Variants in NBEA observed in about 807,000 individuals in gnomAD.
The protein encoded by NBEA is lysosomal-trafficking regulator 2.
In NBEA, 44 loss-of-function variants were observed where a neutral mutation model predicts 343.4. The observed-to-expected ratio is 0.13, with a 90% CI of 0.10 to 0.16. The LOEUF is 0.16. Ranked by LOEUF, NBEA falls within the 10% of genes least tolerant of loss-of-function variation. The pLI is 1.00. For synonymous variants in NBEA, 1,175 were observed against 1,238.7 expected (o/e 0.95, Z 1.08); for missense variants, 2,555 against 3,631.3 (o/e 0.70, Z 7.62).
At chr13:35,451,240 G>C (rs566277856) in intron 39 of NBEA, among the ~76,000 whole-genome samples, 4 of 152,134 alleles carry the variant, frequency 2.6e-5, no homozygotes, top group Non-Finnish European at 4.4e-5. Flanking sequence ...TCTCCTGCCT[G>C]GGCCTCCCGG....
chr13:35,488,687 T>C (rs556929452), intron 41 of NBEA, among the ~76,000 whole-genome samples: 34 of 152,030 alleles, frequency 2.2e-4, no homozygotes, highest in Middle Eastern at 3.4e-3. Context: ...GTAAATACTT[T>C]TAAAAAGTGA....
intron 48 of NBEA, among the ~76,000 whole-genome samples, chr13:35,618,954 C>A (rs1188437006): frequency 6.6e-6 from 1 of 152,066 alleles, no homozygotes; most frequent in Non-Finnish European, 1.5e-5. Flanking sequence ...TGCACAGCAA[C>A]TGAGGCAGGG....
At chr13:35,211,358 C>T (rs974404297) in intron 33 of NBEA, among the ~76,000 whole-genome samples, 179 bp downstream of exon 33, 2 of 152,132 alleles carry the variant, frequency 1.3e-5, no homozygotes, top group African/African-American at 4.8e-5. Context: ...ATATTTCGAT[C>T]TAAGCAGAGA....
chr13:35,067,436 A>G (rs1177382978), intron 8 of NBEA, among the ~76,000 whole-genome samples: 2 of 152,160 alleles, frequency 1.3e-5, no homozygotes, highest in African/African-American at 4.8e-5. Flanking sequence ...TAATTATAAC[A>G]GTTTTATTGA....
At chr13:35,125,560 A>G (rs561427585) in intron 17 of NBEA, among the ~76,000 whole-genome samples, 3 of 152,276 alleles carry the variant, frequency 2.0e-5, no homozygotes, top group African/African-American at 4.8e-5. Flanking sequence ...TAGAGAAAGG[A>G]AAGTTTGTGG....
chr13:35,263,081 A>G (rs2033347791), intron 34 of NBEA, among the ~76,000 whole-genome samples: 2 of 152,208 alleles, frequency 1.3e-5, no homozygotes, highest in Non-Finnish European at 2.9e-5. Context: ...CTTGCAACAA[A>G]GGTACAGTAA....
At chr13:35,122,289 T>C (rs781147831) in intron 16 of NBEA, among the ~76,000 whole-genome samples, 27 of 152,144 alleles carry the variant, frequency 1.8e-4, no homozygotes, top group Non-Finnish European at 3.2e-4. Flanking sequence ...ATTGTGGCAC[T>C]ATTCACAATA....
chr13:35,207,137 T>C (rs117604903), intron 31 of NBEA, among the ~76,000 whole-genome samples: 4,517 of 152,030 alleles, frequency 0.03, 100 homozygotes, highest in Non-Finnish European at 0.045. Context: ...ATGTTTTAAG[T>C]ATTTCTAAAA....
chr13:35,200,006 A>G (rs1355865199), intron 31 of NBEA, among the ~76,000 whole-genome samples: 1 of 152,070 alleles, frequency 6.6e-6, no homozygotes, highest in East Asian at 1.9e-4. Context: ...CTGTTCTATA[A>G]TGAGCAAACA....
intron 1 of NBEA, among the ~76,000 whole-genome samples, chr13:35,024,029 A>G (rs2061934652): frequency 6.6e-6 from 1 of 151,984 alleles, no homozygotes; most frequent in Non-Finnish European, 1.5e-5. Context: ...TTTTATGTCC[A>G]CATGCACTCC....
In NBEA at chr13:35,159,795, C is replaced by G. The variant is rs1227743678; in HGVS notation, c.3624C>G (p.Phe1208Leu). ...CCAGTATAATAGAAGAAAAAGAATT[C>G]AAAATCCATACAACTTCAGATGGAA... ...CTSSIIEEKE[F>L]KIHTTSDGMS... Residue 1208 changes from phenylalanine (F) to leucine (L), a missense_variant, in exon 22 of 59, where the codon TTC becomes TTG. By Grantham distance (22) the Phe-to-Leu change is conservative. Around this residue, in one of 21 missense-constraint regions of NBEA, gnomAD observed 367 missense variants for 377.5 expected, o/e 0.97. Coordinates refer to ENST00000379939, the MANE Select transcript of NBEA (RefSeq NM_001385012.1). 6.2e-7 allele frequency: 1 copy of G among 1,612,026 alleles called. No individual in the cohort carries two copies. Among genetic ancestry groups the G allele is most frequent in the Non-Finnish European group, 8.5e-7 (1 of 1,179,012 alleles).
At chr13:35,475,723 G>A in intron 41 of NBEA, 1 of 1,613,786 alleles carries the variant, frequency 6.2e-7, no homozygotes, top group Non-Finnish European at 8.5e-7. Flanking sequence ...TTTGTCTACC[G>A]CTTGAGCCAC....
At chr13:35,100,191 A>G in intron 11 of NBEA, among the ~76,000 whole-genome samples, 1 of 152,100 alleles carries the variant, frequency 6.6e-6, no homozygotes, top group East Asian at 1.9e-4. Flanking sequence ...CACAAAAATA[A>G]TCAAGTTCTA....
intron 41 of NBEA, among the ~76,000 whole-genome samples, chr13:35,500,509 T>C (rs770690873): frequency 2.0e-5 from 3 of 152,050 alleles, no homozygotes; most frequent in Non-Finnish European, 4.4e-5. Flanking sequence ...AGCTGGTATA[T>C]AGTTGTTTGG....
intron 38 of NBEA, among the ~76,000 whole-genome samples, chr13:35,419,751 A>C (rs7997660): frequency 0.015 from 2,215 of 152,004 alleles, 68 homozygotes; most frequent in African/African-American, 0.05. Flanking sequence ...AAGAGCACAG[A>C]AGTGCCAAGG....
intron 1 of NBEA, among the ~76,000 whole-genome samples, chr13:35,016,939 G>A (rs1331929779): frequency 6.6e-6 from 1 of 152,122 alleles, no homozygotes; most frequent in Non-Finnish European, 1.5e-5. Context: ...AATGAGCAAA[G>A]GGGAGAGTAA....
chr13:35,485,567 A>T (rs532895329), intron 41 of NBEA, among the ~76,000 whole-genome samples: 1 of 152,214 alleles, frequency 6.6e-6, no homozygotes, highest in African/African-American at 2.4e-5. Flanking sequence ...TCCTCAAGAA[A>T]CCTACTATAC....
intron 38 of NBEA, among the ~76,000 whole-genome samples, chr13:35,404,661 A>T (rs2043177657): frequency 6.7e-6 from 1 of 148,944 alleles, no homozygotes; most frequent in Non-Finnish European, 1.5e-5. Flanking sequence ...CTAAATGACG[A>T]GTTAATGGGT....
intron 1 of NBEA, among the ~76,000 whole-genome samples, chr13:34,984,500 T>TC (rs1344193640): frequency 1.3e-5 from 2 of 151,478 alleles, no homozygotes; most frequent in Non-Finnish European, 3.0e-5. Context: ...TTTGTTCTTT[T>TC]TGCTTAGCAT....
Sources: allele counts gnomAD v4.1 joint callset (sites outside exome capture counted in the v4.1 genomes callset), GRCh38; gene constraint gnomAD v4.1.1; regional missense constraint gnomAD v4.1.1; transcripts MANE v1.5; gene names NCBI Gene and HGNC (gene_info 2026-07-23, HGNC 2026-07-21).